KIAA1328: variants seen among roughly 807,000 people sequenced by gnomAD.
The protein encoded by KIAA1328 is KIAA1328.
In KIAA1328, 52 loss-of-function variants were observed where a neutral mutation model predicts 68.1. The observed-to-expected ratio is 0.76, with a 90% CI of 0.61 to 0.96. The LOEUF is 0.96. KIAA1328 is among the 40% of genes least tolerant of loss of function. KIAA1328 has a pLI of 0.00. For synonymous variants in KIAA1328, 232 were observed against 239.4 expected (o/e 0.97, Z 0.28); for missense variants, 641 against 677.6 (o/e 0.95, Z 0.60).
chr18:36,830,678 T>C (rs1367123922), intron 1 of KIAA1328, among the ~76,000 whole-genome samples: 2 of 152,228 alleles, frequency 1.3e-5, no homozygotes, highest in Non-Finnish European at 2.9e-5. Flanking sequence ...GTACTTTCAC[T>C]TACTCATGTA....
At chr18:36,938,936 T>C (rs1010558456) in intron 5 of KIAA1328, among the ~76,000 whole-genome samples, 2 of 152,132 alleles carry the variant, frequency 1.3e-5, no homozygotes, top group Non-Finnish European at 2.9e-5. Flanking sequence ...CCTATTCCAT[T>C]GGTTAATGTG....
intron 6 of KIAA1328, among the ~76,000 whole-genome samples, chr18:36,993,741 T>C (rs1358003711): frequency 6.6e-6 from 1 of 152,070 alleles, no homozygotes; most frequent in Non-Finnish European, 1.5e-5. Flanking sequence ...TTAATAAATA[T>C]GTAATTGTAA....
chr18:37,218,595 C>G (rs180761278), intron 9 of KIAA1328, among the ~76,000 whole-genome samples: 4 of 152,202 alleles, frequency 2.6e-5, no homozygotes, highest in South Asian at 2.1e-4. Flanking sequence ...TTCTTCCACT[C>G]GATGGAATCA....
At chr18:36,884,358 A>C (rs1432002349) in intron 4 of KIAA1328, among the ~76,000 whole-genome samples, 1 of 152,060 alleles carries the variant, frequency 6.6e-6, no homozygotes, top group Non-Finnish European at 1.5e-5. Flanking sequence ...AAACATAAAT[A>C]ATATATAGGC....
intron 6 of KIAA1328, among the ~76,000 whole-genome samples, chr18:37,007,500 A>T (rs1211879386): frequency 1.3e-5 from 2 of 152,204 alleles, no homozygotes; most frequent in African/African-American, 4.8e-5. Context: ...AATAAAACAA[A>T]TGAGAACAGT....
intron 7 of KIAA1328, among the ~76,000 whole-genome samples, chr18:37,076,324 A>C (rs1388459436): frequency 6.6e-6 from 1 of 152,168 alleles, no homozygotes; most frequent in Non-Finnish European, 1.5e-5. Flanking sequence ...TCTGGGACAC[A>C]TTCAAAGCAG....
intron 4 of KIAA1328, among the ~76,000 whole-genome samples, chr18:36,868,507 C>G (rs1433183433): frequency 6.6e-6 from 1 of 152,136 alleles, no homozygotes; most frequent in Non-Finnish European, 1.5e-5. Flanking sequence ...TGATAATTCT[C>G]TATACATGCA....
intron 6 of KIAA1328, among the ~76,000 whole-genome samples, chr18:37,034,157 A>T (rs74258596): frequency 6.6e-6 from 1 of 152,176 alleles, no homozygotes; most frequent in Admixed American, 6.5e-5. Context: ...TATGGAGAGG[A>T]AAGTGTATCA....
At chr18:36,873,991 T>C (rs1467992599) in intron 4 of KIAA1328, among the ~76,000 whole-genome samples, 1 of 152,214 alleles carries the variant, frequency 6.6e-6, no homozygotes, top group Non-Finnish European at 1.5e-5. Flanking sequence ...TCCAGCTTCA[T>C]CCATGTCCCT....
chr18:37,059,192 T>G (rs1011998358), intron 6 of KIAA1328, among the ~76,000 whole-genome samples: 12 of 152,106 alleles, frequency 7.9e-5, no homozygotes, highest in African/African-American at 2.4e-4. Flanking sequence ...AGAATTAACG[T>G]TGAATATGTA....
At chr18:36,909,398 C>T (rs1395619098) in intron 5 of KIAA1328, among the ~76,000 whole-genome samples, 1 of 151,436 alleles carries the variant, frequency 6.6e-6, no homozygotes, top group Non-Finnish European at 1.5e-5. Flanking sequence ...TTTTTTTGTC[C>T]CTGCGATAGT....
Position 37,160,180 on chromosome 18 carries a change from ATTCATCGTTGTTCT to A in KIAA1328, c.1233-15_1233-2del. 1 of 1,600,040 alleles carries A rather than the reference ATTCATCGTTGTTCT, an allele frequency of 6.2e-7. No individual in the cohort carries two copies. The highest frequency in any genetic ancestry group is 8.5e-7 in the Non-Finnish European group (1 of 1,172,296). On this transcript the variant is annotated splice_polypyrimidine_tract_variant and splice_region_variant and intron_variant, in intron 7 of 9. Coordinates refer to ENST00000280020, the MANE Select transcript of KIAA1328 (RefSeq NM_020776.3). ...TTCCCTTCTGTGCCTTCAACAGTTC[ATTCATCGTTGTTCT>A]TTCAGTTTATTGAAGTCAAACTGTG...
chr18:36,913,545 C>CACACAA, intron 5 of KIAA1328, among the ~76,000 whole-genome samples: 1 of 96,988 alleles, frequency 1.0e-5, no homozygotes, highest in South Asian at 2.7e-4. Context: ...CAACTGCCTA[C>CACACAA]ACACACACAC....
At chr18:36,970,648 T>C (rs2052159807) in intron 6 of KIAA1328, among the ~76,000 whole-genome samples, 1 of 152,078 alleles carries the variant, frequency 6.6e-6, no homozygotes, top group Non-Finnish European at 1.5e-5. Flanking sequence ...CAAGCATTGC[T>C]ATACACCAAT....
At chr18:36,835,504 TC>T in intron 3 of KIAA1328, 128 bp downstream of exon 3, 1 of 928,824 alleles carries the variant, frequency 1.1e-6, no homozygotes. Flanking sequence ...TACAGAGGAT[TC>T]CAGGATCCTT....
chr18:36,912,694 G>A (rs974528702), intron 5 of KIAA1328, among the ~76,000 whole-genome samples: 2 of 152,054 alleles, frequency 1.3e-5, no homozygotes, highest in Non-Finnish European at 2.9e-5. Context: ...CATTCCCATT[G>A]CAGCATCATT....
chr18:36,859,034 C>T (rs1269378361), intron 4 of KIAA1328, among the ~76,000 whole-genome samples: 1 of 152,078 alleles, frequency 6.6e-6, no homozygotes, highest in Non-Finnish European at 1.5e-5. Flanking sequence ...TTTTTTTATA[C>T]ATACAACTTC....
chr18:37,116,540 C>T (rs1443289853), intron 7 of KIAA1328, among the ~76,000 whole-genome samples: 1 of 152,202 alleles, frequency 6.6e-6, no homozygotes, highest in Admixed American at 6.5e-5. Context: ...AAATGTTAGA[C>T]CTAACACTAT....
At chr18:36,850,184 A>T (rs1363184426) in intron 4 of KIAA1328, among the ~76,000 whole-genome samples, 1 of 145,948 alleles carries the variant, frequency 6.9e-6, no homozygotes, top group East Asian at 1.9e-4. Context: ...TTTGAAGTAC[A>T]AAAGAAAAGG....
Sources: allele counts gnomAD v4.1 joint callset (sites outside exome capture counted in the v4.1 genomes callset), GRCh38; gene constraint gnomAD v4.1.1; transcripts MANE v1.5; gene names NCBI Gene and HGNC (gene_info 2026-07-23, HGNC 2026-07-21).